PIEZO2: variants seen among roughly 807,000 people sequenced by gnomAD.
PIEZO2 encodes the protein piezo-type mechanosensitive ion channel component 2.
A neutral mutation model predicts 337.3 loss-of-function variants in PIEZO2; 172 were observed. That is an observed-to-expected ratio of 0.51 (90% CI 0.45 to 0.58). The LOEUF is 0.58. PIEZO2 is among the 20% of genes least tolerant of loss of function. The pLI is 0.00. For synonymous variants in PIEZO2, 1,251 were observed against 1,228.5 expected (o/e 1.02, Z -0.38); for missense variants, 3,028 against 3,391.3 (o/e 0.89, Z 2.66).
chr18:10,723,402 C>T (rs2036403625), intron 36 of PIEZO2, among the ~76,000 whole-genome samples: 1 of 151,948 alleles, frequency 6.6e-6, no homozygotes, highest in South Asian at 2.1e-4. Flanking sequence ...TAAGAGAGAA[C>T]GGGAAAGAAG....
intron 2 of PIEZO2, among the ~76,000 whole-genome samples, chr18:10,987,351 A>G (rs1168072631): frequency 6.6e-6 from 1 of 152,172 alleles, no homozygotes; most frequent in Non-Finnish European, 1.5e-5. Context: ...ATACTTACAT[A>G]AAAACAGACA....
At chr18:10,902,068 C>T (rs1568181065) in intron 4 of PIEZO2, among the ~76,000 whole-genome samples, 1 of 152,202 alleles carries the variant, frequency 6.6e-6, no homozygotes, top group Non-Finnish European at 1.5e-5. Flanking sequence ...AGATTAGCAG[C>T]AGCATCGGTT....
chr18:10,970,850 G>T (rs2034208733), intron 3 of PIEZO2, among the ~76,000 whole-genome samples: 1 of 152,162 alleles, frequency 6.6e-6, no homozygotes, highest in Non-Finnish European at 1.5e-5. Context: ...GAAGCTCTGT[G>T]TATGGGCAGA....
chr18:10,697,963 C>A, intron 44 of PIEZO2, 83 bp from the exon 45 acceptor site: 2 of 1,485,530 alleles, frequency 1.3e-6, no homozygotes, highest in Admixed American at 2.2e-5. Flanking sequence ...AACCCAGAGC[C>A]CACATGGTGG....
intron 2 of PIEZO2, among the ~76,000 whole-genome samples, chr18:11,004,237 T>C (rs1035226049): frequency 5.9e-5 from 9 of 152,100 alleles, no homozygotes; most frequent in African/African-American, 2.2e-4. Context: ...TGGATGGAAA[T>C]ACTGCAGACT....
intron 7 of PIEZO2, among the ~76,000 whole-genome samples, chr18:10,808,836 C>T (rs2040082261): frequency 6.6e-6 from 1 of 152,198 alleles, no homozygotes; most frequent in Non-Finnish European, 1.5e-5. Context: ...TAAAATCAGA[C>T]AAGCTAGATA....
At chr18:10,776,991 A>G (rs1248927121) in intron 18 of PIEZO2, among the ~76,000 whole-genome samples, 2 of 152,184 alleles carry the variant, frequency 1.3e-5, no homozygotes, top group African/African-American at 2.4e-5. Context: ...TTCTTTACTG[A>G]ATATCAGGTG....
chr18:10,983,684 C>A (rs559513925), intron 2 of PIEZO2, among the ~76,000 whole-genome samples: 96 of 152,078 alleles, frequency 6.3e-4, no homozygotes, highest in Admixed American at 1.9e-3. Context: ...TGCCTGAGGA[C>A]CCCCACAACC....
intron 3 of PIEZO2, among the ~76,000 whole-genome samples, chr18:10,924,114 C>T (rs887410167): frequency 2.0e-5 from 3 of 152,210 alleles, no homozygotes; most frequent in African/African-American, 7.2e-5. Context: ...CACCACAGCC[C>T]AATTCCTGCT....
intron 31 of PIEZO2, 98 bp from the exon 32 acceptor site, chr18:10,742,713 C>T (rs965088712): frequency 2.2e-5 from 28 of 1,274,292 alleles, no homozygotes; most frequent in African/African-American, 9.0e-5. Flanking sequence ...TAGCTAAATT[C>T]GTGGACAAAC....
intron 2 of PIEZO2, among the ~76,000 whole-genome samples, chr18:10,992,349 T>C (rs963985112): frequency 6.6e-5 from 10 of 152,210 alleles, no homozygotes; most frequent in Admixed American, 1.3e-4. Context: ...TCTTCTAGGA[T>C]TTTTATGGTT....
chr18:10,919,228 G>C lies in PIEZO2; in HGVS notation c.287-8000C>G, dbSNP rs9964204. Among the ~76,000 whole-genome samples the C allele has an allele frequency of 2.6e-5, 4 of 151,912 alleles. 1 individual carries two copies. The highest frequency in any genetic ancestry group is 2.6e-4 in the Admixed American group (4 of 15,278). On this transcript the variant is annotated intron_variant, in intron 3 of 55. Coordinates refer to ENST00000674853, the MANE Select transcript of PIEZO2 (RefSeq NM_001378183.1). Reference sequence around the variant, plus strand: ...TCTTCATGCCCATTGTCTATTAGATGTTTGTCTTTAATCCTTTAATCCCAA... The same window carrying C: ...TCTTCATGCCCATTGTCTATTAGATCTTTGTCTTTAATCCTTTAATCCCAA...
intron 49 of PIEZO2, among the ~76,000 whole-genome samples, chr18:10,686,649 C>A (rs2034557476): frequency 6.6e-6 from 1 of 152,102 alleles, no homozygotes; most frequent in South Asian, 2.1e-4. Flanking sequence ...GAAAAAGAGA[C>A]AACAAGCCCC....
chr18:10,866,389 G>T (rs1037625322), intron 5 of PIEZO2, among the ~76,000 whole-genome samples: 1 of 151,424 alleles, frequency 6.6e-6, no homozygotes, highest in South Asian at 2.1e-4. Flanking sequence ...AGGTTCAAGC[G>T]ATTCTCCTGC....
chr18:10,671,793 T>C lies in PIEZO2; in HGVS notation c.8346-14A>G, dbSNP rs2033790154. 6.3e-7 allele frequency: 1 copy of C among 1,591,922 alleles called. No homozygotes were observed. The highest frequency in any genetic ancestry group is 8.6e-7 in the Non-Finnish European group (1 of 1,168,542). On this transcript the variant is annotated splice_polypyrimidine_tract_variant and intron_variant, in intron 55 of 55. Transcript: ENST00000674853. ...AATCCCATAATACTGAAAAAAACAG[T>C]AAGTAGAAATTGCATACAGCAGTTA...
At chr18:10,697,929 T>C (rs1442592264) in intron 44 of PIEZO2, 49 bp from the exon 45 acceptor site, 1 of 1,553,766 alleles carries the variant, frequency 6.4e-7, no homozygotes, top group Non-Finnish European at 8.7e-7. Flanking sequence ...CTGGGGTTTG[T>C]TCACCTAAAT....
At chr18:10,802,853 T>C (rs188739024) in intron 9 of PIEZO2, among the ~76,000 whole-genome samples, 1 of 151,612 alleles carries the variant, frequency 6.6e-6, no homozygotes, top group African/African-American at 2.4e-5. Flanking sequence ...ATGCCTGTAG[T>C]CCCAGCTACT....
intron 47 of PIEZO2, among the ~76,000 whole-genome samples, chr18:10,694,762 G>A (rs1166155150): frequency 6.6e-6 from 1 of 152,184 alleles, no homozygotes; most frequent in Non-Finnish European, 1.5e-5. Flanking sequence ...TTGAGCCCAG[G>A]AGTTCAAGGT....
intron 3 of PIEZO2, among the ~76,000 whole-genome samples, chr18:10,975,205 A>G (rs538278205): frequency 6.6e-6 from 1 of 152,376 alleles, no homozygotes; most frequent in East Asian, 1.9e-4. Context: ...TTCAATGAAT[A>G]GCATGCTTTA....
Sources: allele counts gnomAD v4.1 joint callset (sites outside exome capture counted in the v4.1 genomes callset), GRCh38; gene constraint gnomAD v4.1.1; transcripts MANE v1.5; gene names NCBI Gene and HGNC (gene_info 2026-07-23, HGNC 2026-07-21).